Variants in PRKAG2 observed in about 807,000 individuals in gnomAD.
PRKAG2 encodes the protein 5'-AMP-activated protein kinase subunit gamma-2.
A neutral mutation model predicts 69.6 loss-of-function variants in PRKAG2; 26 were observed. The observed-to-expected ratio is 0.37, with a 90% confidence interval of 0.27 to 0.52. The LOEUF (loss-of-function observed/expected upper bound fraction) is 0.52. Ranked by LOEUF, PRKAG2 falls within the 20% of genes least tolerant of loss-of-function variation. The pLI is 0.90. For missense variants in PRKAG2, 557 were observed against 740.0 expected (o/e 0.75, Z 2.87); for synonymous variants, 293 against 285.0 (o/e 1.03, Z -0.28).
intron 3 of PRKAG2, among the ~76,000 whole-genome samples, chr7:151,742,925 G>T (rs1411076857): frequency 6.6e-6 from 1 of 152,234 alleles, no homozygotes; most frequent in Non-Finnish European, 1.5e-5. Context: ...ACGCTGATGC[G>T]TTGGGAGAGA....
chr7:151,746,143 G>A (rs757240434), intron 3 of PRKAG2, among the ~76,000 whole-genome samples: 5 of 152,208 alleles, frequency 3.3e-5, no homozygotes, highest in South Asian at 4.1e-4. Flanking sequence ...AGAAGGACCC[G>A]GTTAACTCCC....
intron 1 of PRKAG2, among the ~76,000 whole-genome samples, chr7:151,870,166 C>T (rs879348799): frequency 0.2 from 23,280 of 115,452 alleles, 1,973 homozygotes; most frequent in Non-Finnish European, 0.21. Context: ...GGCAGGCAGG[C>T]AGGCAGGCAG....
chr7:151,862,099 C>CG, intron 1 of PRKAG2, among the ~76,000 whole-genome samples: 1 of 152,196 alleles, frequency 6.6e-6, no homozygotes, highest in East Asian at 1.9e-4. Flanking sequence ...ATCTGGCCCC[C>CG]GGGCTCTGCA....
intron 1 of PRKAG2, among the ~76,000 whole-genome samples, chr7:151,789,315 T>C (rs531928823): frequency 3.3e-5 from 5 of 152,194 alleles, no homozygotes; most frequent in Admixed American, 6.5e-5. Context: ...TATTTGCGTG[T>C]CTTCTTTCAT....
intron 5 of PRKAG2, chr7:151,631,815 T>C (rs1366835288): frequency 1.0e-5 from 5 of 496,308 alleles, no homozygotes; most frequent in South Asian, 7.7e-5. Flanking sequence ...CGCCCGTCCG[T>C]GTGGATGCCG....
chr7:151,808,335 G>A (rs909719072), intron 1 of PRKAG2, among the ~76,000 whole-genome samples: 1 of 152,118 alleles, frequency 6.6e-6, no homozygotes, highest in Non-Finnish European at 1.5e-5. Flanking sequence ...ATTGCACAAG[G>A]ATTTACTTAT....
intron 1 of PRKAG2, among the ~76,000 whole-genome samples, chr7:151,805,075 T>C (rs1314788424): frequency 6.6e-6 from 1 of 152,208 alleles, no homozygotes; most frequent in Non-Finnish European, 1.5e-5. Flanking sequence ...TGTCTCCTGT[T>C]GAGTGGGCGA....
intron 1 of PRKAG2, among the ~76,000 whole-genome samples, chr7:151,815,057 A>C (rs2078600387): frequency 6.6e-6 from 1 of 152,174 alleles, no homozygotes; most frequent in African/African-American, 2.4e-5. Flanking sequence ...AGGCTTCAGA[A>C]ATCTGAACTC....
chr7:151,840,694 C>A (rs892040847), intron 1 of PRKAG2, among the ~76,000 whole-genome samples: 2 of 152,214 alleles, frequency 1.3e-5, no homozygotes, highest in African/African-American at 2.4e-5. Context: ...ACCCCCCGGA[C>A]CTCCGTCGCC....
intron 4 of PRKAG2, among the ~76,000 whole-genome samples, chr7:151,657,341 C>A (rs1829586652): frequency 6.6e-6 from 1 of 152,172 alleles, no homozygotes; most frequent in African/African-American, 2.4e-5. Context: ...CCCAGCTATG[C>A]CACTGACTCA....
chr7:151,586,404 C>T (rs745586746), intron 6 of PRKAG2, among the ~76,000 whole-genome samples: 20 of 152,172 alleles, frequency 1.3e-4, no homozygotes, highest in Admixed American at 2.6e-4. Flanking sequence ...TACTACATTC[C>T]CCAGCCTCTG....
intron 1 of PRKAG2, among the ~76,000 whole-genome samples, chr7:151,829,635 C>T: frequency 6.6e-6 from 1 of 151,958 alleles, no homozygotes; most frequent in South Asian, 2.1e-4. Flanking sequence ...TTTCCTTTAA[C>T]TGATGAATGA....
rs2079138205 is a variant in PRKAG2 at position 151,836,003 on chromosome 7, A to T, written c.114+40504T>A. Among the ~76,000 whole-genome samples, 2 of 152,132 alleles carry T rather than the reference A, an allele frequency of 1.3e-5. No individual in the cohort carries two copies. The highest frequency in any genetic ancestry group is 4.1e-4 in the South Asian group (2 of 4,828). ...GCGTGTCTGAGCTCCCTGTGAATGTATCTAATTTGTGGGACTTGCAGGACC... is the reference window on the plus strand; with the variant it reads ...GCGTGTCTGAGCTCCCTGTGAATGTTTCTAATTTGTGGGACTTGCAGGACC... On this transcript the variant is annotated intron_variant, in intron 1 of 15. Coordinates refer to ENST00000287878, the MANE Select transcript of PRKAG2 (RefSeq NM_016203.4). This position sits in a 1 kb window ranked among gnomAD's most constrained non-coding sequence, Gnocchi z 4.1.
chr7:151,585,765 C>A (rs1013459306), intron 6 of PRKAG2, among the ~76,000 whole-genome samples: 2 of 152,112 alleles, frequency 1.3e-5, no homozygotes, highest in African/African-American at 4.8e-5. Flanking sequence ...GCGTGGGGCA[C>A]AAGAATGCTC....
intron 1 of PRKAG2, among the ~76,000 whole-genome samples, chr7:151,865,028 T>C (rs1161838255): frequency 3.3e-5 from 5 of 152,232 alleles, no homozygotes; most frequent in South Asian, 2.1e-4. Context: ...ATGTATTATA[T>C]ATGTAAACAG....
At chr7:151,864,486 A>C (rs1159899135) in intron 1 of PRKAG2, among the ~76,000 whole-genome samples, 2 of 151,914 alleles carry the variant, frequency 1.3e-5, no homozygotes, top group South Asian at 4.1e-4. Flanking sequence ...CTGCAACCCT[A>C]GAGGGGAGGT....
At chr7:151,584,589 A>G (rs1811210900) in intron 6 of PRKAG2, among the ~76,000 whole-genome samples, 1 of 152,234 alleles carries the variant, frequency 6.6e-6, no homozygotes, top group Admixed American at 6.5e-5. Context: ...GTTCCGGAGA[A>G]AAGCAAGCAC....
In PRKAG2 at chr7:151,725,353, G is replaced by C. The variant is rs187512328; in HGVS notation, c.467-49716C>G. 4.8e-3 allele frequency among the ~76,000 whole-genome samples: 729 copies of C among 152,182 alleles called. 8 individuals carry two copies. Among genetic ancestry groups the C allele is most frequent in the African/African-American group, 0.017 (689 of 41,504 alleles). On this transcript the variant is annotated intron_variant, in intron 3 of 15. Coordinates refer to ENST00000287878, the MANE Select transcript of PRKAG2 (RefSeq NM_016203.4). ...TGGAGTCATCAATGCATAGAGACAG[G>C]AAGTAGAAGGGTGGCCTCCAGGGGC...
At position 151,741,834 on chromosome 7, in the gene PRKAG2, C is replaced by T. The variant is rs906637331; in HGVS notation, c.466+39318G>A. On this transcript the variant is annotated intron_variant, in intron 3 of 15. Coordinates refer to ENST00000287878, the MANE Select transcript of PRKAG2 (RefSeq NM_016203.4). ...AGGTAGTTATTAAACCTCTAGTAAGCGTGCAGGGCAGTTGTTGATTGAAGG... is the reference window on the plus strand; with the variant it reads ...AGGTAGTTATTAAACCTCTAGTAAGTGTGCAGGGCAGTTGTTGATTGAAGG... Among the ~76,000 whole-genome samples, 5 of 152,306 alleles carry T rather than the reference C, an allele frequency of 3.3e-5. No homozygotes were observed. In the East Asian group the frequency reaches 5.8e-4, roughly 18 times the overall value.
Sources: allele counts gnomAD v4.1 joint callset (sites outside exome capture counted in the v4.1 genomes callset), GRCh38; gene constraint gnomAD v4.1.1; non-coding constraint Gnocchi (gnomAD v3.1); transcripts MANE v1.5; gene names NCBI Gene and HGNC (gene_info 2026-07-23, HGNC 2026-07-21).